Variants in COP1 observed in about 807,000 individuals in gnomAD.
COP1 encodes E3 ubiquitin-protein ligase COP1.
In COP1, 24 loss-of-function variants were observed where a neutral mutation model predicts 101.3. That is an observed-to-expected ratio of 0.24 (90% confidence interval 0.17 to 0.33). The LOEUF is 0.33. Ranked by LOEUF, COP1 falls within the 10% of genes least tolerant of loss-of-function variation. COP1 has a pLI of 1.00. For missense variants in COP1, 663 were observed against 906.2 expected (o/e 0.73, Z 3.45); for synonymous variants, 347 against 341.9 (o/e 1.01, Z -0.17).
intron 11 of COP1, among the ~76,000 whole-genome samples, chr1:176,053,210 A>G (rs1251678090): frequency 1.3e-5 from 2 of 152,158 alleles, no homozygotes; most frequent in African/African-American, 4.8e-5. Flanking sequence ...TCTAAGTGAA[A>G]CCCAGCTCTC....
intron 11 of COP1, among the ~76,000 whole-genome samples, chr1:176,071,890 T>C (rs1677070930): frequency 6.6e-6 from 1 of 152,208 alleles, no homozygotes; most frequent in Non-Finnish European, 1.5e-5. Flanking sequence ...GGCTTCACTC[T>C]GTACTACTGA....
chr1:176,079,027 A>C (rs1159332210), intron 11 of COP1, among the ~76,000 whole-genome samples: 1 of 152,206 alleles, frequency 6.6e-6, no homozygotes, highest in African/African-American at 2.4e-5. Context: ...GAATGCTTAC[A>C]TGCTGTTGCT....
At chr1:176,108,152 T>C (rs1272009980) in intron 9 of COP1, among the ~76,000 whole-genome samples, 4 of 152,182 alleles carry the variant, frequency 2.6e-5, no homozygotes, top group South Asian at 4.1e-4. Flanking sequence ...ATTTTGCTAA[T>C]TGTACTATGG....
intron 15 of COP1, among the ~76,000 whole-genome samples, chr1:175,992,884 G>C (rs1161039991): frequency 1.3e-5 from 2 of 152,212 alleles, no homozygotes; most frequent in African/African-American, 4.8e-5. Flanking sequence ...GCTTTGAAGA[G>C]AGCAGTGGTT....
intron 2 of COP1, among the ~76,000 whole-genome samples, chr1:176,180,492 G>T (rs1369331605): frequency 6.6e-6 from 1 of 151,790 alleles, no homozygotes; most frequent in Non-Finnish European, 1.5e-5. Context: ...ACATATCTCG[G>T]GTCCACCTGA....
intron 6 of COP1, among the ~76,000 whole-genome samples, chr1:176,137,909 C>G (rs1438640963): frequency 6.6e-6 from 1 of 151,992 alleles, no homozygotes; most frequent in East Asian, 1.9e-4. Context: ...CAACTGTAGC[C>G]CTTACCCTGA....
chr1:175,981,004 T>C (rs1245195287), intron 18 of COP1, among the ~76,000 whole-genome samples: 1 of 152,124 alleles, frequency 6.6e-6, no homozygotes, highest in African/African-American at 2.4e-5. Context: ...TAGTTTCAGA[T>C]AAGAGTCATA....
intron 18 of COP1, among the ~76,000 whole-genome samples, chr1:175,970,364 C>T (rs557489842): frequency 6.6e-5 from 10 of 151,964 alleles, no homozygotes; most frequent in South Asian, 4.2e-4. Flanking sequence ...GTTTAGAAGC[C>T]GGAATGGGAA....
chr1:175,966,952 G>T (rs1652138306), intron 18 of COP1, among the ~76,000 whole-genome samples: 2 of 152,174 alleles, frequency 1.3e-5, no homozygotes, highest in Admixed American at 1.3e-4. Flanking sequence ...CCCAATTTGA[G>T]ATCTGGGGAA....
rs144816176 is a variant in COP1, at chr1:176,061,743, C to T, written c.1278-15419G>A. Among the ~76,000 whole-genome samples, 378 of 152,078 alleles carry T rather than the reference C, an allele frequency of 2.5e-3. 1 individual carries two copies. The highest frequency in any genetic ancestry group is 8.9e-3 in the African/African-American group (370 of 41,496). On this transcript the variant is annotated intron_variant, in intron 11 of 19. Transcript: ENST00000367669. ...CTGTAAGTAAAAGCTAAAGTTATTA[C>T]AATGATAGAAGAAAATATAGAAGAA...
chr1:176,164,199 C>T (rs747254052), intron 3 of COP1, among the ~76,000 whole-genome samples: 1 of 152,138 alleles, frequency 6.6e-6, no homozygotes, highest in Non-Finnish European at 1.5e-5. Flanking sequence ...CATGTGAGAC[C>T]ATCACATGCC....
At chr1:176,195,384 G>T (rs1013196211) in intron 1 of COP1, among the ~76,000 whole-genome samples, 7 of 152,200 alleles carry the variant, frequency 4.6e-5, no homozygotes, top group African/African-American at 1.7e-4. Flanking sequence ...TAGCACTGGA[G>T]ATGATTGAAG....
intron 9 of COP1, among the ~76,000 whole-genome samples, chr1:176,093,182 AAAT>A (rs1270784903): frequency 6.6e-6 from 1 of 152,166 alleles, no homozygotes; most frequent in Non-Finnish European, 1.5e-5. Context: ...AATATCAGAA[AAAT>A]AATTATATTT....
At chr1:176,016,687 T>C (rs929482565) in intron 15 of COP1, among the ~76,000 whole-genome samples, 3 of 152,214 alleles carry the variant, frequency 2.0e-5, no homozygotes, top group African/African-American at 7.2e-5. Flanking sequence ...ATGGAATTTG[T>C]AATACACTTT....
intron 14 of COP1, among the ~76,000 whole-genome samples, chr1:176,042,971 C>A (rs1048523790): frequency 8.6e-5 from 13 of 151,266 alleles, no homozygotes; most frequent in African/African-American, 3.2e-4. Context: ...AGAGGTTGCA[C>A]TGAGCCACAA....
At chr1:176,090,729 A>G (rs1265762608) in intron 9 of COP1, among the ~76,000 whole-genome samples, 1 of 152,232 alleles carries the variant, frequency 6.6e-6, no homozygotes, top group Non-Finnish European at 1.5e-5. Context: ...AAAGCCAAGA[A>G]GACAAAAAAT....
intron 3 of COP1, among the ~76,000 whole-genome samples, chr1:176,174,978 G>T (rs935084324): frequency 6.6e-6 from 1 of 151,962 alleles, no homozygotes. Context: ...TATTATTTCC[G>T]ATCATTTATC....
intron 18 of COP1, among the ~76,000 whole-genome samples, chr1:175,984,087 G>A (rs1315551875): frequency 1.3e-5 from 2 of 152,224 alleles, no homozygotes; most frequent in Admixed American, 6.5e-5. Context: ...ATTTGCATAA[G>A]TAACATGGAG....
At chr1:176,038,232 G>C (rs1669912090) in intron 14 of COP1, among the ~76,000 whole-genome samples, 1 of 151,938 alleles carries the variant, frequency 6.6e-6, no homozygotes, top group Admixed American at 6.6e-5. Context: ...AAAACTATGA[G>C]AAAAGAAATC....
Sources: gnomAD v4.1 joint callset for allele counts (sites outside exome capture counted in the v4.1 genomes callset) on GRCh38, gnomAD v4.1.1 for gene constraint, MANE v1.5 for transcripts, NCBI Gene and HGNC (gene_info 2026-07-23, HGNC 2026-07-21) for gene names.